LRRFIP1: variants seen among roughly 807,000 people sequenced by gnomAD.
LRRFIP1 encodes LRR binding FLII interacting protein 1, also known as leucine-rich repeat flightless-interacting protein 1.
In LRRFIP1, 62 loss-of-function variants were observed where a neutral mutation model predicts 104.4. That is an observed-to-expected ratio of 0.59 (90% CI 0.48 to 0.73). The LOEUF (loss-of-function observed/expected upper bound fraction) is 0.73. Ranked by LOEUF, LRRFIP1 falls within the 30% of genes least tolerant of loss-of-function variation. The pLI is 0.00. For synonymous variants in LRRFIP1, 300 were observed against 299.0 expected (o/e 1.00, Z -0.03); for missense variants, 796 against 824.5 (o/e 0.97, Z 0.42).
At chr2:237,772,819 G>C in intron 21 of LRRFIP1, 47 bp from the exon 22 acceptor site, 1 of 1,272,618 alleles carries the variant, frequency 7.9e-7, no homozygotes, top group Non-Finnish European at 1.1e-6. Context: ...TTTAATATTT[G>C]AAAAGCCCAA....
Position 237,661,579 on chromosome 2 carries a change from G to A in LRRFIP1, c.96+33839G>A, listed in dbSNP as rs1047369892. Among the ~76,000 whole-genome samples the A allele has an allele frequency of 6.6e-6, 1 of 152,134 alleles. No individual in the cohort carries two copies. Among genetic ancestry groups the A allele is most frequent in the Non-Finnish European group, 1.5e-5 (1 of 68,032 alleles). ...GGCAAACTGCCCTATGTGCATCTCT[G>A]TCCTCATCCATGAAACCATCCTTGT... On this transcript the variant is annotated intron_variant, in intron 1 of 23. Transcript: ENST00000308482. The surrounding 1 kb of genome is among the most constrained non-coding windows in gnomAD (Gnocchi z 4.4).
intron 1 of LRRFIP1, among the ~76,000 whole-genome samples, chr2:237,706,093 T>C (rs1419450641): frequency 6.6e-6 from 1 of 152,228 alleles, no homozygotes; most frequent in Non-Finnish European, 1.5e-5. Flanking sequence ...ATCCATTATG[T>C]CCATGGTCCC....
In LRRFIP1 at chr2:237,762,933, C is replaced by A. The variant is rs773321257; in HGVS notation, c.1459+2728C>A. The A allele has an allele frequency of 4.3e-6, 7 of 1,614,090 alleles. No individual in the cohort carries two copies. The African/African-American group carries it at 9.3e-5, about 22-fold the overall frequency. On this transcript the variant is annotated intron_variant, in intron 19 of 23. Coordinates refer to ENST00000308482, the MANE Select transcript of LRRFIP1 (RefSeq NM_001137550.2). ...GACAGGACCAGAACTCCCCTTGAGC[C>A]ATCCAACTGTTGGAGTGACTTAGAT...
chr2:237,692,253 C>T (rs2149767131), intron 1 of LRRFIP1: 1 of 1,141,786 alleles, frequency 8.8e-7, no homozygotes, highest in Non-Finnish European at 1.1e-6. Context: ...TGCGCCCCGC[C>T]CCTGTCGGCC....
chr2:237,658,225 A>C (rs2087178255), intron 1 of LRRFIP1, among the ~76,000 whole-genome samples: 1 of 152,216 alleles, frequency 6.6e-6, no homozygotes, highest in African/African-American at 2.4e-5. Flanking sequence ...ATACCAAGGA[A>C]TAAGGTTGGC....
chr2:237,681,921 C>T (rs1014375129), intron 1 of LRRFIP1, among the ~76,000 whole-genome samples: 2 of 150,516 alleles, frequency 1.3e-5, no homozygotes, highest in African/African-American at 2.4e-5. Context: ...CCTCGTGATC[C>T]GCCCGCCTCG....
chr2:237,666,518 G>A (rs2089277544), intron 1 of LRRFIP1, among the ~76,000 whole-genome samples: 1 of 151,934 alleles, frequency 6.6e-6, no homozygotes, highest in Non-Finnish European at 1.5e-5. Context: ...GTACCAACAA[G>A]CCAACATGTC....
intron 1 of LRRFIP1, among the ~76,000 whole-genome samples, chr2:237,637,272 A>G (rs953230780): frequency 6.6e-6 from 1 of 152,236 alleles, no homozygotes; most frequent in African/African-American, 2.4e-5. Flanking sequence ...GTTTGAGACC[A>G]GCCTAACCAA....
intron 19 of LRRFIP1, chr2:237,762,910 C>T (rs758423921): frequency 5.6e-6 from 9 of 1,614,068 alleles, no homozygotes; most frequent in Admixed American, 5.0e-5. Context: ...CACCAGATGA[C>T]AGGACCAGAA....
chr2:237,644,074 T>C (rs544406929), intron 1 of LRRFIP1, among the ~76,000 whole-genome samples: 1 of 152,356 alleles, frequency 6.6e-6, no homozygotes, highest in South Asian at 2.1e-4. Flanking sequence ...GTTTTTATGG[T>C]TTTTCCTGCC....
At chr2:237,686,965 G>A (rs548105911) in intron 1 of LRRFIP1, among the ~76,000 whole-genome samples, 2 of 152,362 alleles carry the variant, frequency 1.3e-5, no homozygotes, top group African/African-American at 4.8e-5. Flanking sequence ...GGAGTGGGAG[G>A]TGTGGTCACT....
intron 11 of LRRFIP1, 54 bp downstream of exon 11, chr2:237,739,363 C>T (rs1192739177): frequency 2.1e-6 from 3 of 1,414,864 alleles, no homozygotes; most frequent in Non-Finnish European, 2.9e-6. Flanking sequence ...CCTCCCCCTT[C>T]CCTTATCCTC....
At position 237,727,096 on chromosome 2, in the gene LRRFIP1, G is replaced by A. The variant is rs577773256; in HGVS notation, c.385-780G>A. 7.2e-5 allele frequency among the ~76,000 whole-genome samples: 11 copies of A among 152,258 alleles called. No homozygotes were observed. The South Asian group carries it at 1.7e-3, about 23-fold the overall frequency. ...TCTGAGGCCGGGCGCGATGGCTCAC[G>A]CCTGTAATCCCAGCACTTTGGGAGG... is the stretch of plus-strand genomic sequence containing the variant. On this transcript the variant is annotated intron_variant, in intron 7 of 23. Transcript: ENST00000308482.
At chr2:237,748,089 C>G (rs563199266) in intron 11 of LRRFIP1, among the ~76,000 whole-genome samples, 1 of 152,196 alleles carries the variant, frequency 6.6e-6, no homozygotes, top group Admixed American at 6.5e-5. Flanking sequence ...TGTAGTTCCA[C>G]AGCCCGCTGT....
rs139772155 is a variant in LRRFIP1, at chr2:237,738,588, C to T, written c.556-644C>T. 1.4e-3 allele frequency among the ~76,000 whole-genome samples: 207 copies of T among 152,304 alleles called. 1 individual carries two copies. Among genetic ancestry groups the T allele is most frequent in the African/African-American group, 4.6e-3 (191 of 41,554 alleles). ...TAATAACGTGAAAATGTATCTAAGA[C>T]TAGCAGATGTGAACATAAATCAAAG... is the stretch of plus-strand genomic sequence containing the variant. On this transcript the variant is annotated intron_variant, in intron 10 of 23. Coordinates refer to ENST00000308482, the MANE Select transcript of LRRFIP1 (RefSeq NM_001137550.2).
At chr2:237,673,696 T>C (rs1219557437) in intron 1 of LRRFIP1, among the ~76,000 whole-genome samples, 1 of 152,148 alleles carries the variant, frequency 6.6e-6, no homozygotes, top group East Asian at 1.9e-4. Context: ...GGAAGTCACA[T>C]TGGCAGCAGT....
At chr2:237,739,901 C>T (rs1223918381) in intron 11 of LRRFIP1, among the ~76,000 whole-genome samples, 2 of 152,124 alleles carry the variant, frequency 1.3e-5, no homozygotes, top group Non-Finnish European at 2.9e-5. Context: ...TTGAAGGCGA[C>T]CCTATGACTC....
At chr2:237,722,790 T>C (rs1442994008) in intron 6 of LRRFIP1, among the ~76,000 whole-genome samples, 1 of 152,156 alleles carries the variant, frequency 6.6e-6, no homozygotes, top group Non-Finnish European at 1.5e-5. Context: ...TCACAGTTCT[T>C]AGGAACAAGG....
chr2:237,747,647 T>C (rs2058049830), intron 11 of LRRFIP1, among the ~76,000 whole-genome samples: 1 of 152,180 alleles, frequency 6.6e-6, no homozygotes, highest in South Asian at 2.1e-4. Flanking sequence ...ATCAAACATA[T>C]GGTCTGCAGT....
Sources: gnomAD v4.1 joint callset for allele counts (sites outside exome capture counted in the v4.1 genomes callset) on GRCh38, gnomAD v4.1.1 for gene constraint, Gnocchi (gnomAD v3.1) non-coding constraint, MANE v1.5 for transcripts, NCBI Gene and HGNC (gene_info 2026-07-23, HGNC 2026-07-21) for gene names.